Variants in APLF observed in about 807,000 individuals in gnomAD.
The protein encoded by APLF is aprataxin and PNK-like factor.
In APLF, 61 loss-of-function variants were observed where a neutral mutation model predicts 55.6. The ratio of observed to expected loss-of-function variants is 1.10; its 90% CI spans 0.89 to 1.36. The LOEUF (loss-of-function observed/expected upper bound fraction) is 1.36. Among genes scored for constraint, APLF ranks in the 40% most tolerant of loss-of-function variants. The probability of loss-of-function intolerance (pLI) is 0.00; values close to 1 mark genes in which losing one functional copy is unlikely to be tolerated. For synonymous variants in APLF, 207 were observed against 214.8 expected (o/e 0.96, Z 0.32); for missense variants, 611 against 602.5 (o/e 1.01, Z -0.15).
chr2:68,516,263 A>C (rs1573202606), intron 5 of APLF, among the ~76,000 whole-genome samples: 1 of 150,666 alleles, frequency 6.6e-6, no homozygotes, highest in East Asian at 2.0e-4. Flanking sequence ...GCCTAAATTT[A>C]CTCTTTATAT....
intron 9 of APLF, among the ~76,000 whole-genome samples, chr2:68,569,590 G>A (rs1671398485): frequency 6.6e-6 from 1 of 152,106 alleles, no homozygotes; most frequent in Non-Finnish European, 1.5e-5. Flanking sequence ...AAAGACATGG[G>A]CACTTTGGCA....
At chr2:68,478,531 T>C (rs1033193238) in intron 1 of APLF, among the ~76,000 whole-genome samples, 2 of 152,232 alleles carry the variant, frequency 1.3e-5, no homozygotes, top group Admixed American at 1.3e-4. Flanking sequence ...GAGAATTTAA[T>C]GCCAACAAAG....
At chr2:68,536,941 C>T (rs1195963350) in intron 6 of APLF, among the ~76,000 whole-genome samples, 1 of 152,002 alleles carries the variant, frequency 6.6e-6, no homozygotes, top group East Asian at 1.9e-4. Context: ...CCAGGGCAGG[C>T]AGATCACCTG....
At chr2:68,532,034 G>C (rs1489173962) in intron 6 of APLF, among the ~76,000 whole-genome samples, 1 of 152,044 alleles carries the variant, frequency 6.6e-6, no homozygotes. Context: ...CTTTATGCAG[G>C]GCTCTCTGGT....
At chr2:68,480,548 C>G (rs1301107896) in intron 1 of APLF, among the ~76,000 whole-genome samples, 1 of 151,920 alleles carries the variant, frequency 6.6e-6, no homozygotes, top group Non-Finnish European at 1.5e-5. Context: ...GTGATCCACC[C>G]ACCTTGGCCT....
chr2:68,519,344 A>G (rs917999790), intron 5 of APLF, among the ~76,000 whole-genome samples: 16 of 147,096 alleles, frequency 1.1e-4, no homozygotes, highest in Admixed American at 2.8e-4. Context: ...GCCCAAAAAC[A>G]TGATTCATAT....
intron 2 of APLF, among the ~76,000 whole-genome samples, chr2:68,492,250 G>GCA (rs1471121551): frequency 1.8e-3 from 267 of 152,184 alleles, no homozygotes; most frequent in Non-Finnish European, 3.1e-3. Context: ...AGGCCGGGGT[G>GCA]GGTGGATCAC....
intron 3 of APLF, among the ~76,000 whole-genome samples, chr2:68,512,272 A>G (rs959285444): frequency 1.3e-5 from 2 of 151,602 alleles, no homozygotes; most frequent in African/African-American, 4.8e-5. Context: ...TTTACCTTTC[A>G]GGATGTCATA....
chr2:68,574,182 A>G (rs1671559871), intron 9 of APLF, among the ~76,000 whole-genome samples: 1 of 151,854 alleles, frequency 6.6e-6, no homozygotes, highest in South Asian at 2.1e-4. Context: ...AGTATTTTCC[A>G]GGTAAGTAAA....
At chr2:68,472,481 C>T (rs964100847) in intron 1 of APLF, among the ~76,000 whole-genome samples, 3 of 152,120 alleles carry the variant, frequency 2.0e-5, no homozygotes, top group Admixed American at 6.5e-5. Flanking sequence ...CATGACTCCC[C>T]AGACCCCTTA....
intron 2 of APLF, among the ~76,000 whole-genome samples, chr2:68,492,274 C>T (rs529944700): frequency 6.6e-6 from 1 of 152,088 alleles, no homozygotes; most frequent in African/African-American, 2.4e-5. Flanking sequence ...GTCAGGAGAT[C>T]GAGACCATCC....
intron 3 of APLF, among the ~76,000 whole-genome samples, chr2:68,506,140 T>A (rs1676867833): frequency 6.6e-6 from 1 of 151,840 alleles, no homozygotes. Context: ...AGGCACATTC[T>A]TGTGGTTTCT....
chr2:68,539,818 T>C (rs1384573928), intron 7 of APLF, among the ~76,000 whole-genome samples: 1 of 152,156 alleles, frequency 6.6e-6, no homozygotes, highest in Non-Finnish European at 1.5e-5. Context: ...GATTAGAGTT[T>C]CTCCCATGAT....
At chr2:68,539,916 G>T (rs995290702) in intron 7 of APLF, among the ~76,000 whole-genome samples, 8 of 151,984 alleles carry the variant, frequency 5.3e-5, no homozygotes, top group African/African-American at 1.4e-4. Context: ...GCAAAAAAAA[G>T]AAATAACATG....
chr2:68,553,435 G>C (rs1482735605), intron 8 of APLF, among the ~76,000 whole-genome samples: 1 of 146,548 alleles, frequency 6.8e-6, no homozygotes, highest in African/African-American at 2.4e-5. Context: ...TAAAAATATT[G>C]ATTTGTGAGA....
intron 8 of APLF, among the ~76,000 whole-genome samples, chr2:68,548,725 G>C (rs1670777110): frequency 6.6e-6 from 1 of 151,818 alleles, no homozygotes. Context: ...GTGGCACTGT[G>C]GTGATATGCC....
intron 3 of APLF, among the ~76,000 whole-genome samples, chr2:68,508,106 A>ATT (rs1553370647): frequency 1.3e-5 from 2 of 151,868 alleles, no homozygotes; most frequent in Admixed American, 1.3e-4. Flanking sequence ...AATACATAAC[A>ATT]TAAACAAAAT....
intron 5 of APLF, among the ~76,000 whole-genome samples, chr2:68,513,926 A>G (rs925011050): frequency 1.3e-5 from 2 of 151,776 alleles, no homozygotes; most frequent in Non-Finnish European, 2.9e-5. Context: ...TGCTAGAATT[A>G]TATTAATAAA....
In APLF at chr2:68,519,073, TAATA is replaced by T. The variant is rs1465226290; in HGVS notation, c.622+5394_622+5397del. Among the ~76,000 whole-genome samples, 339 of 124,736 alleles carry T rather than the reference TAATA, an allele frequency of 2.7e-3. 3 individuals carry two copies. Among genetic ancestry groups the T allele is most frequent in the Non-Finnish European group, 4.6e-3 (285 of 61,372 alleles). The allele number at this position is 124,736 out of a possible 152,430, so 81.8% of individuals were successfully genotyped here. A position where few individuals can be genotyped will look rare whatever the true frequency, so the allele number is the denominator to read the frequency against. On this transcript the variant is annotated intron_variant, in intron 5 of 9. Coordinates refer to ENST00000303795, the MANE Select transcript of APLF (RefSeq NM_173545.3). Reference sequence around the variant, plus strand: ...ATAATATATAATTAATATATAATAATAATATAATATATAATTAATATATAATAAT... The same window carrying T: ...ATAATATATAATTAATATATAATAATTAATATATAATTAATATATAATAAT...
Sources: allele counts gnomAD v4.1 joint callset (sites outside exome capture counted in the v4.1 genomes callset), GRCh38; gene constraint gnomAD v4.1.1; transcripts MANE v1.5; gene names NCBI Gene and HGNC (gene_info 2026-07-23, HGNC 2026-07-21).